NPHP4: variants seen among roughly 807,000 people sequenced by gnomAD.
NPHP4 encodes the protein nephrocystin-4.
In NPHP4, 151 loss-of-function variants were observed where a neutral mutation model predicts 155.8. The observed-to-expected ratio is 0.97, with a 90% CI of 0.85 to 1.11. NPHP4 has a LOEUF of 1.11. NPHP4 is among the 50% of genes least tolerant of loss of function. The pLI, the probability that NPHP4 is intolerant of heterozygous loss-of-function variation, is 0.00. For missense variants in NPHP4, 1,956 were observed against 1,925.7 expected, an observed-to-expected ratio of 1.02 and a Z score of -0.29; for synonymous variants, 845 against 816.8, an observed-to-expected ratio of 1.03 and a Z score of -0.59.
intron 18 of NPHP4, chr1:5,887,056 G>C (rs1157647269): frequency 1.9e-6 from 1 of 527,112 alleles, no homozygotes; most frequent in African/African-American, 1.9e-5. Flanking sequence ...GAGAGCCCGA[G>C]ATGACTGATG....
chr1:5,866,319 G>T, intron 26 of NPHP4, 54 bp downstream of exon 26: 1 of 1,189,586 alleles, frequency 8.4e-7, no homozygotes, highest in Non-Finnish European at 1.2e-6. Flanking sequence ...CCCCAGGCCT[G>T]CCTCCTCCTC....
chr1:5,914,686 T>C (rs950988173), intron 11 of NPHP4, among the ~76,000 whole-genome samples: 2 of 152,232 alleles, frequency 1.3e-5, no homozygotes, highest in African/African-American at 4.8e-5. Context: ...ATGCCTGCGC[T>C]ATGACAGGAC....
chr1:5,896,578 A>G (rs1246359235), intron 16 of NPHP4, among the ~76,000 whole-genome samples: 1 of 152,222 alleles, frequency 6.6e-6, no homozygotes, highest in African/African-American at 2.4e-5. Context: ...TTTTCTGTGT[A>G]AGACACATAC....
intron 18 of NPHP4, chr1:5,886,700 T>A (rs375594808): frequency 6.6e-6 from 1 of 152,408 alleles, no homozygotes; most frequent in South Asian, 2.1e-4. Context: ...TATCCCAGCA[T>A]AGGCCTCAGT....
chr1:5,907,185 G>C lies in NPHP4; in HGVS notation c.1541C>G (p.Pro514Arg). 5 of 1,588,414 alleles carry C rather than the reference G, an allele frequency of 3.1e-6. No homozygotes were observed. Among genetic ancestry groups the C allele is most frequent in the Non-Finnish European group, 4.3e-6 (5 of 1,166,940 alleles). ...AGGCCTGGCCAAGCAGTGCTGAGTC[G>C]GGGACCGCGGGGAGGCCGCCAGCTG... ...ISQLAASPRS[P>R]TQHCLARPTS... Residue 514 changes from proline to arginine, a missense_variant, in exon 13 of 30, where the codon CCG becomes CGG. By Grantham distance (103) the Pro-to-Arg change is moderately radical. Transcript: ENST00000378156.
At chr1:5,919,087 C>T (rs576268628) in intron 11 of NPHP4, among the ~76,000 whole-genome samples, 19 of 152,334 alleles carry the variant, frequency 1.2e-4, no homozygotes, top group African/African-American at 4.3e-4. Context: ...CATTCATTAA[C>T]GTATCGCCTA....
chr1:5,904,314 T>G (rs989703640), intron 16 of NPHP4, among the ~76,000 whole-genome samples: 2 of 152,216 alleles, frequency 1.3e-5, no homozygotes, highest in South Asian at 2.1e-4. Context: ...CTATACCCCT[T>G]AAGTTTATGT....
chr1:5,950,272 C>T (rs1033964178), intron 7 of NPHP4, among the ~76,000 whole-genome samples: 2 of 152,146 alleles, frequency 1.3e-5, no homozygotes, highest in Admixed American at 1.3e-4. Flanking sequence ...AAATATGCCA[C>T]CAATCAAGGA....
At chr1:5,982,397 T>C (rs1482675805) in intron 2 of NPHP4, among the ~76,000 whole-genome samples, 1 of 152,220 alleles carries the variant, frequency 6.6e-6, no homozygotes, top group Non-Finnish European at 1.5e-5. Context: ...CAACAGGCTA[T>C]ACCATGGAGC....
intron 17 of NPHP4, among the ~76,000 whole-genome samples, chr1:5,887,740 C>A (rs1643898388): frequency 6.6e-6 from 1 of 152,224 alleles, no homozygotes; most frequent in Non-Finnish European, 1.5e-5. Context: ...TACCACTGGG[C>A]CCTGGGAAGG....
chr1:5,911,189 T>G (rs759886078), intron 11 of NPHP4, among the ~76,000 whole-genome samples: 2 of 152,166 alleles, frequency 1.3e-5, no homozygotes, highest in African/African-American at 4.8e-5. Flanking sequence ...CCAGCTGTCC[T>G]CAAAGCCGAT....
intron 23 of NPHP4, among the ~76,000 whole-genome samples, chr1:5,871,170 T>C (rs1235313665): frequency 6.6e-6 from 1 of 152,162 alleles, no homozygotes; most frequent in Non-Finnish European, 1.5e-5. Context: ...GACCGGGAAG[T>C]CTGGGAAAAC....
In NPHP4 at chr1:5,986,256, C is replaced by T. The variant is rs201713171; in HGVS notation, c.34G>A (p.Val12Met). The T allele has an allele frequency of 4.8e-5, 78 of 1,613,738 alleles. No homozygotes were observed. In the African/African-American group the frequency reaches 9.3e-4, roughly 19 times the overall value. The change falls in exon 2 of 30, where the codon GTG (valine) becomes ATG (methionine). Residue 12 changes from valine (V) to methionine (M), a missense_variant. By Grantham distance (21) the Val-to-Met change is conservative (BLOSUM62 1). Transcript: ENST00000378156. ...NDWHRIFTQNVLVPPHPQRAR... is the reference protein window; with the variant it reads ...NDWHRIFTQNMLVPPHPQRAR... ...CTCTGTGGGTGGGGAGGGACAAGCA[C>T]GTTTTGGGTGAAGATCCTGTGCCAG...
intron 7 of NPHP4, among the ~76,000 whole-genome samples, chr1:5,949,143 C>G (rs1647389744): frequency 6.6e-6 from 1 of 152,046 alleles, no homozygotes; most frequent in South Asian, 2.1e-4. Context: ...GTATAAAATT[C>G]AACAATGATA....
chr1:5,938,638 G>C (rs1482216480), intron 9 of NPHP4, among the ~76,000 whole-genome samples: 4 of 152,234 alleles, frequency 2.6e-5, no homozygotes, highest in Non-Finnish European at 5.9e-5. Flanking sequence ...TTTAAAAGCT[G>C]AGTGAAATTT....
intron 16 of NPHP4, among the ~76,000 whole-genome samples, chr1:5,898,820 C>T (rs956353408): frequency 2.0e-5 from 3 of 151,828 alleles, no homozygotes; most frequent in Non-Finnish European, 2.9e-5. Context: ...GGAAAGAATG[C>T]CTATCAATTC....
At chr1:5,940,514 A>G (rs953887347) in intron 9 of NPHP4, among the ~76,000 whole-genome samples, 5 of 152,228 alleles carry the variant, frequency 3.3e-5, no homozygotes, top group African/African-American at 1.2e-4. Context: ...CATAACTGCA[A>G]TATGAATCTA....
In NPHP4 at chr1:5,947,381, G is replaced by A. The variant is rs114152062; in HGVS notation, c.993-151C>T. ...GCAAGTCCACCATGTAACACTGCACGCTCTCCCAAATGATTCAGAAATTCC... is the reference window on the plus strand; with the variant it reads ...GCAAGTCCACCATGTAACACTGCACACTCTCCCAAATGATTCAGAAATTCC... On this transcript the variant is annotated intron_variant, in intron 8 of 29. Coordinates refer to ENST00000378156, the MANE Select transcript of NPHP4 (RefSeq NM_015102.5). Among the ~76,000 whole-genome samples the A allele has an allele frequency of 4.4e-3, 667 of 152,302 alleles. 2 individuals are homozygous for A. Among genetic ancestry groups the A allele is most frequent in the African/African-American group, 0.015 (615 of 41,564 alleles).
rs758076744 is a variant in NPHP4, at chr1:5,969,166, TCTGGAGGCTCCCATCC to T, written c.357_372del (p.Asp120HisfsTer53). On this transcript the variant is annotated frameshift_variant, in exon 4 of 30. Coordinates refer to ENST00000378156, the MANE Select transcript of NPHP4 (RefSeq NM_015102.5). LOFTEE classifies it high-confidence loss of function. ...AGAATTCCAAACCCACAGGACAATG[TCTGGAGGCTCCCATCC>T]CGTTTCTTGCCCTCAGCGACCACTT... The T allele has an allele frequency of 3.2e-6, 5 of 1,560,584 alleles. No individual in the cohort carries two copies. The South Asian group carries it at 5.9e-5, about 18-fold the overall frequency.
Sources: gnomAD v4.1 joint callset for allele counts (sites outside exome capture counted in the v4.1 genomes callset) on GRCh38, gnomAD v4.1.1 for gene constraint, MANE v1.5 for transcripts, NCBI Gene and HGNC (gene_info 2026-07-23, HGNC 2026-07-21) for gene names.